FHIT: variants seen among roughly 807,000 people sequenced by gnomAD.
FHIT encodes the protein bis(5'-adenosyl)-triphosphatase.
A neutral mutation model predicts 17.9 loss-of-function variants in FHIT; 19 were observed. That is an observed-to-expected ratio of 1.06 (90% confidence interval 0.74 to 1.56). The LOEUF (loss-of-function observed/expected upper bound fraction) is 1.56, where lower values mean the gene tolerates loss of function less well. FHIT is among the 40% of genes most tolerant of loss of function. The pLI is 0.00. For missense variants in FHIT, 248 were observed against 189.2 expected, an observed-to-expected ratio of 1.31 and a Z score of -1.82; for synonymous variants, 81 against 69.7, an observed-to-expected ratio of 1.16 and a Z score of -0.81.
At chr3:60,018,960 A>C (rs534183967) in intron 5 of FHIT, among the ~76,000 whole-genome samples, 25 of 152,252 alleles carry the variant, frequency 1.6e-4, no homozygotes, top group Non-Finnish European at 2.9e-4. Context: ...AGCCTGGGCT[A>C]CAAGAGCAAA....
At chr3:60,440,075 C>A (rs962158326) in intron 5 of FHIT, among the ~76,000 whole-genome samples, 7 of 152,100 alleles carry the variant, frequency 4.6e-5, no homozygotes, top group Non-Finnish European at 8.8e-5. Flanking sequence ...CCCAGAGTCT[C>A]ATTTTATATG....
At chr3:61,026,747 G>T (rs2032755079) in intron 3 of FHIT, among the ~76,000 whole-genome samples, 1 of 152,136 alleles carries the variant, frequency 6.6e-6, no homozygotes, top group Non-Finnish European at 1.5e-5. Context: ...GAAGCCAAAA[G>T]ATTGGACGCC....
chr3:60,251,599 G>A lies in FHIT; in HGVS notation c.104-237447C>T, dbSNP rs945588040. On this transcript the variant is annotated intron_variant, in intron 5 of 9. Coordinates refer to ENST00000492590, the MANE Select transcript of FHIT (RefSeq NM_002012.4). ...AGTATCTTTGGGAATAGTTATGCCAGTTTCTGACTCACAATAAGATACACT... is the reference window on the plus strand; with the variant it reads ...AGTATCTTTGGGAATAGTTATGCCAATTTCTGACTCACAATAAGATACACT... 2.2e-4 allele frequency among the ~76,000 whole-genome samples: 34 copies of A among 152,160 alleles called. 1 individual carries two copies. The highest frequency in any genetic ancestry group is 5.2e-4 in the Admixed American group (8 of 15,284).
intron 5 of FHIT, among the ~76,000 whole-genome samples, chr3:60,038,915 G>A (rs1269853334): frequency 6.6e-6 from 1 of 152,116 alleles, no homozygotes; most frequent in Non-Finnish European, 1.5e-5. Context: ...AAAACTAAGT[G>A]ACTTAAATAA....
chr3:61,077,780 C>T (rs2035016045), intron 2 of FHIT, among the ~76,000 whole-genome samples: 3 of 152,178 alleles, frequency 2.0e-5, no homozygotes, highest in Admixed American at 2.0e-4. Flanking sequence ...TCTCCACCAT[C>T]ACTGGCTTCC....
intron 5 of FHIT, among the ~76,000 whole-genome samples, chr3:60,404,458 G>C (rs1268798517): frequency 6.6e-6 from 1 of 152,096 alleles, no homozygotes; most frequent in East Asian, 1.9e-4. Flanking sequence ...TTCTGACCTA[G>C]AGAAAAATCC....
intron 8 of FHIT, among the ~76,000 whole-genome samples, chr3:59,917,439 A>G (rs1575692733): frequency 1.3e-5 from 2 of 152,332 alleles, no homozygotes; most frequent in East Asian, 3.9e-4. Flanking sequence ...ATGATATGAC[A>G]TTAGGCCATG....
chr3:60,849,463 TAA>T (rs71092646), intron 3 of FHIT, among the ~76,000 whole-genome samples: 3 of 144,952 alleles, frequency 2.1e-5, no homozygotes, highest in Non-Finnish European at 3.0e-5. Context: ...TATATATATA[TAA>T]AATTATTATG....
chr3:59,866,962 T>G (rs575411826), intron 8 of FHIT, among the ~76,000 whole-genome samples: 88 of 151,826 alleles, frequency 5.8e-4, no homozygotes, highest in African/African-American at 2.1e-3. Context: ...ATACAACACT[T>G]AAAGGTGGTC....
intron 8 of FHIT, among the ~76,000 whole-genome samples, chr3:59,754,635 C>T (rs1701108189): frequency 6.6e-6 from 1 of 152,138 alleles, no homozygotes; most frequent in African/African-American, 2.4e-5. Flanking sequence ...CAGATCATAC[C>T]AGAGGAATCC....
chr3:60,633,670 C>T lies in FHIT; in HGVS notation c.-17-96691G>A, dbSNP rs55641376. On this transcript the variant is annotated intron_variant, in intron 4 of 9. Coordinates refer to ENST00000492590, the MANE Select transcript of FHIT (RefSeq NM_002012.4). Reference sequence around the variant, plus strand: ...TTGGGAAAGGAAACTGTATGCTACTCGCATTCTAGAGAGCTGTTAGGAAAT... The same window carrying T: ...TTGGGAAAGGAAACTGTATGCTACTTGCATTCTAGAGAGCTGTTAGGAAAT... 2.4e-3 allele frequency among the ~76,000 whole-genome samples: 366 copies of T among 152,328 alleles called. 3 individuals carry two copies. Among genetic ancestry groups the T allele is most frequent in the African/African-American group, 8.5e-3 (352 of 41,578 alleles).
At chr3:61,210,041 T>A (rs898775627) in intron 1 of FHIT, among the ~76,000 whole-genome samples, 20 of 152,268 alleles carry the variant, frequency 1.3e-4, no homozygotes, top group African/African-American at 4.8e-4. Context: ...GTCAGGATGC[T>A]CAGCTGCAGG....
chr3:60,070,030 C>A (rs370150494), intron 5 of FHIT, among the ~76,000 whole-genome samples: 1 of 152,118 alleles, frequency 6.6e-6, no homozygotes, highest in Non-Finnish European at 1.5e-5. Context: ...GTATAGGGAT[C>A]CCCCCTACAT....
At chr3:60,196,047 A>G (rs1156515096) in intron 5 of FHIT, among the ~76,000 whole-genome samples, 1 of 152,158 alleles carries the variant, frequency 6.6e-6, no homozygotes, top group African/African-American at 2.4e-5. Context: ...AACGAAAAAA[A>G]CTTGAAAGTG....
chr3:59,754,957 C>T (rs1296663113), intron 8 of FHIT, among the ~76,000 whole-genome samples: 3 of 123,426 alleles, frequency 2.4e-5, no homozygotes, highest in South Asian at 3.5e-4. Flanking sequence ...TAAAACCCAC[C>T]CCAGGGATTC....
chr3:61,179,527 T>A (rs1428194827), intron 2 of FHIT, among the ~76,000 whole-genome samples: 1 of 151,612 alleles, frequency 6.6e-6, no homozygotes, highest in Non-Finnish European at 1.5e-5. Context: ...TGGGCAACAA[T>A]AATGAGACTC....
At chr3:60,912,578 T>A (rs1343353946) in intron 3 of FHIT, among the ~76,000 whole-genome samples, 1 of 152,144 alleles carries the variant, frequency 6.6e-6, no homozygotes, top group South Asian at 2.1e-4. Flanking sequence ...CTTCCCCCTA[T>A]TTGCCACAAA....
intron 7 of FHIT, among the ~76,000 whole-genome samples, chr3:59,996,154 T>A (rs1303508160): frequency 3.3e-5 from 5 of 152,088 alleles, no homozygotes; most frequent in African/African-American, 1.2e-4. Context: ...CCATTCGTGC[T>A]CTTATTTAAT....
intron 4 of FHIT, among the ~76,000 whole-genome samples, chr3:60,775,681 C>A (rs1553724295): frequency 6.6e-6 from 1 of 152,156 alleles, no homozygotes; most frequent in East Asian, 1.9e-4. Flanking sequence ...ACCAATAATT[C>A]TTTTTCCCTC....
Sources: allele counts gnomAD v4.1 joint callset (sites outside exome capture counted in the v4.1 genomes callset), GRCh38; gene constraint gnomAD v4.1.1; transcripts MANE v1.5; gene names NCBI Gene and HGNC (gene_info 2026-07-23, HGNC 2026-07-21).